The following KHDRBS2 variants were observed in gnomAD, a reference collection of about 807,000 sequenced individuals.
KHDRBS2 encodes KH RNA binding domain containing, signal transduction associated 2, also known as KH domain-containing, RNA-binding, signal transduction-associated protein 2.
KHDRBS2 carries 26 observed loss-of-function variants against 44.3 expected under a neutral mutation model. The observed-to-expected ratio is 0.59, with a 90% CI of 0.43 to 0.81. KHDRBS2 has a LOEUF of 0.81. KHDRBS2 is among the 40% of genes least tolerant of loss of function. The pLI, the probability that KHDRBS2 is intolerant of heterozygous loss-of-function variation, is 0.00. For synonymous variants in KHDRBS2, 194 were observed against 151.1 expected, an observed-to-expected ratio of 1.28 and a Z score of -2.08; for missense variants, 476 against 433.1, an observed-to-expected ratio of 1.10 and a Z score of -0.88.
chr6:62,246,499 C>T (rs1358830572), intron 1 of KHDRBS2, among the ~76,000 whole-genome samples: 2 of 151,948 alleles, frequency 1.3e-5, no homozygotes, highest in Non-Finnish European at 2.9e-5. Context: ...TGTTCTTGTT[C>T]TTTGCAGTGT....
intron 2 of KHDRBS2, among the ~76,000 whole-genome samples, chr6:62,171,879 A>G (rs931510118): frequency 2.6e-5 from 4 of 152,160 alleles, no homozygotes; most frequent in African/African-American, 9.6e-5. Flanking sequence ...AGCAAATGCT[A>G]AGGAAATTCA....
At position 62,062,098 on chromosome 6, in the gene KHDRBS2, C is replaced by T. The variant is rs542338226; in HGVS notation, c.220-14104G>A. On this transcript the variant is annotated intron_variant, in intron 2 of 8. Coordinates refer to ENST00000281156, the MANE Select transcript of KHDRBS2 (RefSeq NM_152688.4). ...GCTAACTATCCTAAATATATATGCA[C>T]CCAATACAGGAGCACCCAGATTCAT... 5.2e-3 allele frequency among the ~76,000 whole-genome samples: 785 copies of T among 149,854 alleles called. 9 individuals carry two copies. The highest frequency in any genetic ancestry group is 0.017 in the Middle Eastern group (5 of 294).
intron 3 of KHDRBS2, among the ~76,000 whole-genome samples, chr6:62,002,047 T>C (rs1360571895): frequency 2.0e-5 from 3 of 152,110 alleles, no homozygotes; most frequent in Non-Finnish European, 4.4e-5. Context: ...TTCCCTAATA[T>C]CTGTAAAGCT....
At chr6:62,271,849 AAAGT>A (rs1179833900) in intron 1 of KHDRBS2, among the ~76,000 whole-genome samples, 1 of 152,160 alleles carries the variant, frequency 6.6e-6, no homozygotes, top group African/African-American at 2.4e-5. Context: ...AAAAGCTTAT[AAAGT>A]AAAAAAGTTA....
chr6:62,087,973 C>T (rs1346777635), intron 2 of KHDRBS2, among the ~76,000 whole-genome samples: 2 of 152,134 alleles, frequency 1.3e-5, no homozygotes, highest in African/African-American at 4.8e-5. Context: ...CTTTCTTCTG[C>T]TTTATCGATT....
intron 1 of KHDRBS2, among the ~76,000 whole-genome samples, chr6:62,269,236 AT>A (rs1236272665): frequency 6.6e-6 from 1 of 151,348 alleles, no homozygotes; most frequent in African/African-American, 2.4e-5. Context: ...GTATGAAAAA[AT>A]TATAAATTGA....
At chr6:61,781,108 AATC>A (rs2127581344) in intron 6 of KHDRBS2, among the ~76,000 whole-genome samples, 1 of 152,180 alleles carries the variant, frequency 6.6e-6, no homozygotes, top group East Asian at 1.9e-4. Flanking sequence ...AAATATGTCT[AATC>A]ATTTTTACAT....
rs560637701 is a variant in KHDRBS2 at position 62,148,060 on chromosome 6, G to A, written c.219+29125C>T. Among the ~76,000 whole-genome samples, 26 of 152,080 alleles carry A rather than the reference G, an allele frequency of 1.7e-4. No individual in the cohort carries two copies. The South Asian group carries it at 2.3e-3, about 13-fold the overall frequency. ...CAAATGTGTTAAGAGATATTTTTAC[G>A]TTAACATTTACAGAGCAGACTGACT... is the stretch of plus-strand genomic sequence containing the variant. On this transcript the variant is annotated intron_variant, in intron 2 of 8. Coordinates refer to ENST00000281156, the MANE Select transcript of KHDRBS2 (RefSeq NM_152688.4).
At chr6:61,708,235 C>T (rs1454311239) in intron 7 of KHDRBS2, among the ~76,000 whole-genome samples, 2 of 151,434 alleles carry the variant, frequency 1.3e-5, no homozygotes, top group Admixed American at 6.6e-5. Flanking sequence ...CCTTTAAACT[C>T]CCTAAATAAC....
At chr6:62,004,848 G>A (rs1238941946) in intron 3 of KHDRBS2, among the ~76,000 whole-genome samples, 1 of 151,820 alleles carries the variant, frequency 6.6e-6, no homozygotes, top group Non-Finnish European at 1.5e-5. Flanking sequence ...GGGATTAAAG[G>A]CTGGTTCAAC....
At chr6:61,706,712 A>G (rs954721703) in intron 7 of KHDRBS2, among the ~76,000 whole-genome samples, 1 of 151,810 alleles carries the variant, frequency 6.6e-6, no homozygotes, top group African/African-American at 2.4e-5. Context: ...TACCACTTAG[A>G]TATGTTGGAA....
At chr6:61,914,108 A>T (rs1320601600) in intron 4 of KHDRBS2, among the ~76,000 whole-genome samples, 1 of 152,070 alleles carries the variant, frequency 6.6e-6, no homozygotes, top group Non-Finnish European at 1.5e-5. Context: ...ACTGGAAACA[A>T]GGAGAGAGGG....
At chr6:61,638,996 A>C in the KHDRBS2 span, among the ~76,000 whole-genome samples, 4 of 152,234 alleles carry the variant, frequency 2.6e-5, no homozygotes, top group East Asian at 7.7e-4. Flanking sequence ...ATTTGTTTGC[A>C]TTCCTCTAAG....
At position 61,950,830 on chromosome 6, in the gene KHDRBS2, G is replaced by A. The variant is rs530766145; in HGVS notation, c.483+27236C>T. On this transcript the variant is annotated intron_variant, in intron 4 of 8. Transcript: ENST00000281156. ...TCTTTATGTATACATATTAATAAAC[G>A]TAAATATGAAATGTACTAAATTCTG... 3.9e-4 allele frequency among the ~76,000 whole-genome samples: 59 copies of A among 152,056 alleles called. No individual in the cohort carries two copies. In the East Asian group the frequency reaches 5.8e-3, roughly 15 times the overall value.
At chr6:61,847,809 G>A (rs1346962893) in intron 6 of KHDRBS2, among the ~76,000 whole-genome samples, 2 of 152,000 alleles carry the variant, frequency 1.3e-5, no homozygotes, top group Non-Finnish European at 2.9e-5. Flanking sequence ...TAATCTGTAA[G>A]TTACTAACAT....
the KHDRBS2 span, among the ~76,000 whole-genome samples, chr6:61,639,176 C>T: frequency 6.6e-6 from 1 of 152,016 alleles, no homozygotes; most frequent in Non-Finnish European, 1.5e-5. Context: ...ACATAATGTC[C>T]TACAGTCTCC....
rs992095490 is a variant in KHDRBS2, at chr6:62,090,719, G to A, written c.220-42725C>T. Among the ~76,000 whole-genome samples, 25 of 152,092 alleles carry A rather than the reference G, an allele frequency of 1.6e-4. 1 individual carries two copies. The highest frequency in any genetic ancestry group is 2.8e-4 in the Non-Finnish European group (19 of 68,028). ...TCTGATTTAAAAAGAAACAGAAGTT[G>A]CTAAAATGAAGTATATATGACAAAT... On this transcript the variant is annotated intron_variant, in intron 2 of 8. Transcript: ENST00000281156.
intron 4 of KHDRBS2, among the ~76,000 whole-genome samples, chr6:61,929,085 A>T (rs990847906): frequency 6.6e-6 from 1 of 152,160 alleles, no homozygotes; most frequent in African/African-American, 2.4e-5. Context: ...AAACATTCAA[A>T]TTGGGCAAGG....
At position 61,820,739 on chromosome 6, in the gene KHDRBS2, G is replaced by A. The variant is rs145723709; in HGVS notation, c.810+73896C>T. ...ACATACACAATCCATTTATGCAGAA[G>A]GGATCTCATTTGCTGGCAGATTTCT... On this transcript the variant is annotated intron_variant, in intron 6 of 8. Transcript: ENST00000281156. Among the ~76,000 whole-genome samples, 441 of 152,110 alleles carry A rather than the reference G, an allele frequency of 2.9e-3. 4 individuals carry two copies. Among genetic ancestry groups the A allele is most frequent in the African/African-American group, 9.8e-3 (407 of 41,530 alleles).
Sources: allele counts gnomAD v4.1 joint callset (sites outside exome capture counted in the v4.1 genomes callset), GRCh38; gene constraint gnomAD v4.1.1; transcripts MANE v1.5; gene names NCBI Gene and HGNC (gene_info 2026-07-23, HGNC 2026-07-21).